PKD1: variants seen among roughly 807,000 people sequenced by gnomAD.
PKD1 encodes the protein polycystin 1, transient receptor potential channel interacting.
In PKD1, 81 loss-of-function variants were observed where a neutral mutation model predicts 361.7. The ratio of observed to expected loss-of-function variants is 0.22; its 90% confidence interval spans 0.19 to 0.27. The LOEUF (loss-of-function observed/expected upper bound fraction) is 0.27, where lower values mean the gene tolerates loss of function less well. PKD1 is among the 10% of genes least tolerant of loss of function. The pLI is 1.00. For synonymous variants in PKD1, 3,615 were observed against 2,818.3 expected (o/e 1.28, Z -8.95); for missense variants, 6,399 against 6,118.3 (o/e 1.05, Z -1.53).
rs776960886 is a variant in PKD1 at position 2,111,218 on chromosome 16, C to G, written c.3949G>C (p.Val1317Leu). The G allele has an allele frequency of 2.5e-6, 4 of 1,611,282 alleles. No homozygotes were observed. In the South Asian group the frequency reaches 3.3e-5, roughly 13 times the overall value. ...AGGTAGTGGGCCGGGTTCCCGGTGA[C>G]GTAGGCCGTGAGCCGCGCGTCAGGC... ...TQPDARLTAYVTGNPAHYLFD... is the reference protein window; with the variant it reads ...TQPDARLTAYLTGNPAHYLFD... The change falls in exon 15 of 46, where the codon GTC becomes CTC. Residue 1317 changes from valine to leucine, a missense_variant. Val to Leu is a conservative substitution (Grantham distance 32). Transcript: ENST00000262304.
Position 2,106,351 on chromosome 16 carries a change from C to G in PKD1, c.7489+47G>C, listed in dbSNP as rs1333651056. On this transcript the variant is annotated intron_variant, in intron 18 of 45. Transcript: ENST00000262304. This position sits in a 1 kb window ranked among gnomAD's most constrained non-coding sequence, Gnocchi z 6.5. ...ATCACGGGAGGGCTCCGTGACGTCA[C>G]AGAGTCGGGGGATCCCGCTGCTCCC... The G allele has an allele frequency of 2.5e-6, 4 of 1,603,438 alleles. No individual in the cohort carries two copies. Among genetic ancestry groups the G allele is most frequent in the Non-Finnish European group, 3.4e-6 (4 of 1,175,890 alleles).
In PKD1 at chr16:2,114,605, C is replaced by T. The variant is rs1280816690; in HGVS notation, c.2418G>A (p.Val806=). 14 of 1,585,854 alleles carry T rather than the reference C, an allele frequency of 8.8e-6. No individual in the cohort carries two copies. The highest frequency in any genetic ancestry group is 1.1e-5 in the South Asian group (1 of 89,394). The change falls in exon 11 of 46, where the codon GTG becomes GTA. Residue 806 remains valine, a synonymous_variant. Transcript: ENST00000262304. The part of the protein sequence containing the change: ...YEVRAEVGNG[V]SRHNLSCSFD... ...AGCTGCAGGAGAGGTTGTGCCTGGA[C>T]ACGCCATTGCCCACCTCTGCCCGGA...
chr16:2,121,036 G>C (rs1285012158), intron 1 of PKD1, among the ~76,000 whole-genome samples: 3 of 151,408 alleles, frequency 2.0e-5, no homozygotes, highest in Non-Finnish European at 2.9e-5. Context: ...AAAAAGAAAA[G>C]AAAAGAAAGA....
intron 1 of PKD1, among the ~76,000 whole-genome samples, chr16:2,122,034 G>A (rs979068975): frequency 3.3e-5 from 5 of 152,374 alleles, no homozygotes; most frequent in South Asian, 4.1e-4. Flanking sequence ...CAGGAGAGAC[G>A]CACACACAGG....
At chr16:2,105,511 C>G (rs1264443730) in intron 20 of PKD1, 37 bp from the exon 21 acceptor site, 27 of 1,595,066 alleles carry the variant, frequency 1.7e-5, no homozygotes, top group East Asian at 4.5e-5. Flanking sequence ...CTGTCAGCAG[C>G]GCAGGAGGCC....
chr16:2,118,339 C>A lies in PKD1; in HGVS notation c.653G>T (p.Gly218Val), dbSNP rs758254565. The A allele has an allele frequency of 6.8e-7, 1 of 1,466,032 alleles. No individual in the cohort carries two copies. 90.8% of individuals were successfully genotyped at this position (1,466,032 alleles called of 1,614,324 possible). ...CTCCGAGAGGGCTGCGAGGCCCTGG[C>A]CGGTGGAGAAGCAGAAGGCGCTGCA... is the stretch of plus-strand genomic sequence containing the variant. ...EACSAFCFST[G>V]QGLAALSEQG... is the part of the protein sequence containing the mutation. Residue 218 changes from glycine to valine, a missense_variant, in exon 5 of 46, where the codon GGC (glycine) becomes GTC (valine). Coordinates refer to ENST00000262304, the MANE Select transcript of PKD1 (RefSeq NM_001009944.3). The surrounding 1 kb of genome is among the most constrained non-coding windows in gnomAD (Gnocchi z 6.0).
chr16:2,092,796 T>C, intron 38 of PKD1, 158 bp downstream of exon 38: 1 of 936,278 alleles, frequency 1.1e-6, no homozygotes, highest in East Asian at 2.4e-5. Context: ...GACACGGACC[T>C]GTGTCCCTCC....
In PKD1 at chr16:2,103,413, A is replaced by G; in HGVS notation, c.8644T>C (p.Trp2882Arg). ...GAGCTGCGGTGGCCCCGGGCAGCCC[A>G]GTCCGAGTTGTTGGGCACCTTCACG... ...ITVKVPNNSD[W>R]AARGHRSSAN... Residue 2882 changes from tryptophan to arginine, a missense_variant, in exon 23 of 46, where the codon TGG (tryptophan) becomes CGG (arginine). Physicochemically the swap from Trp to Arg is moderately radical, Grantham distance 101. Transcript: ENST00000262304. The G allele has an allele frequency of 6.3e-7, 1 of 1,599,370 alleles. No homozygotes were observed. The highest frequency in any genetic ancestry group is 8.5e-7 in the Non-Finnish European group (1 of 1,179,616).
chr16:2,122,521 C>A (rs1464565433), intron 1 of PKD1, among the ~76,000 whole-genome samples: 3 of 152,226 alleles, frequency 2.0e-5, no homozygotes, highest in Non-Finnish European at 4.4e-5. Flanking sequence ...GGGCCCACAG[C>A]CGCGCTGCTA....
intron 29 of PKD1, 38 bp downstream of exon 29, chr16:2,099,823 G>A (rs1026734906): frequency 1.4e-4 from 222 of 1,556,836 alleles, no homozygotes; most frequent in Non-Finnish European, 1.9e-4. Flanking sequence ...AGGAAGGGCT[G>A]GGCAGGAAGA....
At position 2,106,281 on chromosome 16, in the gene PKD1, C is replaced by T; in HGVS notation, c.7513G>A (p.Gly2505Ser). 6.2e-7 allele frequency: 1 copy of T among 1,610,018 alleles called. No individual in the cohort carries two copies. The highest frequency in any genetic ancestry group is 8.5e-7 in the Non-Finnish European group (1 of 1,179,442). The change falls in exon 19 of 46, where the codon GGC (glycine) becomes AGC (serine). Residue 2505 changes from glycine to serine, a missense_variant. Gly to Ser is a moderately conservative substitution (Grantham distance 56). Coordinates refer to ENST00000262304, the MANE Select transcript of PKD1 (RefSeq NM_001009944.3). The surrounding 1 kb of genome is among the most constrained non-coding windows in gnomAD (Gnocchi z 6.5). ...CTGWHDAEDA[G>S]APLVYALLLR... ...AGCAGGGCGTACACCAGCGGGGCGCCAGCATCCTCCGCGTCATGCCAGCCT... is the reference window on the plus strand; with the variant it reads ...AGCAGGGCGTACACCAGCGGGGCGCTAGCATCCTCCGCGTCATGCCAGCCT...
Position 2,104,376 on chromosome 16 carries a change from T to TG in PKD1, c.8161+121dup, listed in dbSNP as rs1166532368. On this transcript the variant is annotated intron_variant, in intron 22 of 45. Coordinates refer to ENST00000262304, the MANE Select transcript of PKD1 (RefSeq NM_001009944.3). Reference sequence around the variant, plus strand: ...GGGGGAGGGGGATGAGGATGGGAATTGGGGGGAGGGGAGGGGGACGAAGAT... The same window carrying TG: ...GGGGGAGGGGGATGAGGATGGGAATTGGGGGGGAGGGGAGGGGGACGAAGAT... The TG allele has an allele frequency of 6.9e-5, 33 of 480,498 alleles. 1 individual carries two copies. In the East Asian group the frequency reaches 1.0e-3, roughly 15 times the overall value. The allele number at this position is 480,498 out of a possible 1,614,324, so 29.8% of individuals were successfully genotyped here. A position where few individuals can be genotyped will look rare whatever the true frequency, so the allele number is the denominator to read the frequency against.
In PKD1 at chr16:2,102,819, G is replaced by A. The variant is rs1015595756; in HGVS notation, c.8943C>T (p.Ser2981=). 1.2e-6 allele frequency: 2 copies of A among 1,609,960 alleles called. No homozygotes were observed. The highest frequency in any genetic ancestry group is 1.7e-6 in the Non-Finnish European group (2 of 1,179,784). The part of the protein sequence containing the change: ...ADHRPYTFFI[S]PGSRDPAGSY... Reference sequence around the variant, plus strand: ...GGCTGGCCCGCAGAGCTCACCCCGGGGAAATGAAGAAGGTGTAGGGCCGGT... The same window carrying A: ...GGCTGGCCCGCAGAGCTCACCCCGGAGAAATGAAGAAGGTGTAGGGCCGGT... Residue 2981 remains serine (S), a synonymous_variant, in exon 24 of 46, where the codon TCC becomes TCT. Transcript: ENST00000262304.
chr16:2,094,239 T>C (rs1311161761), intron 34 of PKD1, 29 bp from the exon 35 acceptor site: 2 of 1,387,818 alleles, frequency 1.4e-6, no homozygotes, highest in Non-Finnish European at 2.0e-6. Context: ...TGTGAATTCA[T>C]CCCGGCCTCC....
Position 2,118,837 on chromosome 16 carries a change from C to G in PKD1, c.368G>C (p.Ser123Thr), listed in dbSNP as rs748717453. ...ACAGTCACACTCAAACGGGTTCCCA[C>G]TCAGGTTTCTGCAGGGCAGGGGCAG... Reference protein sequence around the residue: ...NLFNLSEINLSGNPFECDCGL... With the variant: ...NLFNLSEINLTGNPFECDCGL... The change falls in exon 4 of 46, where the codon AGT becomes ACT. Residue 123 changes from serine to threonine, a missense_variant. Physicochemically the swap from Ser to Thr is moderately conservative, Grantham distance 58. Transcript: ENST00000262304. The surrounding 1 kb of genome is among the most constrained non-coding windows in gnomAD (Gnocchi z 6.0). 24 of 1,595,694 alleles carry G rather than the reference C, an allele frequency of 1.5e-5. No homozygotes were observed. Among genetic ancestry groups the G allele is most frequent in the Non-Finnish European group, 2.0e-5 (24 of 1,179,084 alleles).
At position 2,111,672 on chromosome 16, in the gene PKD1, G is replaced by A. The variant is rs375384742; in HGVS notation, c.3495C>T (p.Asp1165=). The A allele has an allele frequency of 1.6e-4, 254 of 1,575,342 alleles. 6 individuals are homozygous for A. The East Asian group carries it at 2.0e-3, about 12-fold the overall frequency. ...GGCTCTGGGTCAGGACAGGGGAGCC[G>A]TCCCCGAAGTCCCACGTGTAAAGAA... ...GGVLYTWDFG[D]GSPVLTQSQP... is the part of the protein sequence containing the mutation. The change falls in exon 15 of 46, where the codon GAC becomes GAT. Residue 1165 remains aspartate (D), a synonymous_variant. Coordinates refer to ENST00000262304, the MANE Select transcript of PKD1 (RefSeq NM_001009944.3).
In PKD1 at chr16:2,097,778, C is replaced by T. The variant is rs1384664263; in HGVS notation, c.10170G>A (p.Gln3390=). ...FLTFSGLHAE[Q]AFVGQMKSDL... ...CACTCTTCATCTGTCCAACAAAGGC[C>T]TGCTGAGAGGTGCACAGTGTCTTGA... Residue 3390 remains glutamine, a splice_region_variant and synonymous_variant, in exon 32 of 46, where the codon CAG becomes CAA. Coordinates refer to ENST00000262304, the MANE Select transcript of PKD1 (RefSeq NM_001009944.3). 2 of 1,611,468 alleles carry T rather than the reference C, an allele frequency of 1.2e-6. No individual in the cohort carries two copies. The highest frequency in any genetic ancestry group is 1.7e-6 in the Non-Finnish European group (2 of 1,179,890).
chr16:2,119,667 C>G, intron 1 of PKD1: 1 of 612,012 alleles, frequency 1.6e-6, no homozygotes, highest in Admixed American at 2.8e-5. Flanking sequence ...GCACGGACCC[C>G]CAACCCATCC....
In PKD1 at chr16:2,109,077, G is replaced by C. The variant is rs369113909; in HGVS notation, c.6090C>G (p.Pro2030=). 1 of 1,604,124 alleles carries C rather than the reference G, an allele frequency of 6.2e-7. No individual in the cohort carries two copies. The highest frequency in any genetic ancestry group is 8.5e-7 in the Non-Finnish European group (1 of 1,173,960). ...ILSGRDVTYT[P]VAAGLLEIQV... ...GGATCTCCAACAGCCCCGCGGCCACGGGCGTGTAGGTGACGTCGCGGCCCG... is the reference window on the plus strand; with the variant it reads ...GGATCTCCAACAGCCCCGCGGCCACCGGCGTGTAGGTGACGTCGCGGCCCG... The change falls in exon 15 of 46, where the codon CCC becomes CCG. Residue 2030 remains proline, a synonymous_variant. Coordinates refer to ENST00000262304, the MANE Select transcript of PKD1 (RefSeq NM_001009944.3).
Sources: gnomAD v4.1 joint callset for allele counts (sites outside exome capture counted in the v4.1 genomes callset) on GRCh38, gnomAD v4.1.1 for gene constraint, Gnocchi (gnomAD v3.1) non-coding constraint, MANE v1.5 for transcripts, NCBI Gene and HGNC (gene_info 2026-07-23, HGNC 2026-07-21) for gene names.